POM121C: variants seen among roughly 807,000 people sequenced by gnomAD.
The protein encoded by POM121C is nuclear envelope pore membrane protein POM 121C.
POM121C carries 20 observed loss-of-function variants against 66.4 expected under a neutral mutation model. The ratio of observed to expected loss-of-function variants is 0.30; its 90% CI spans 0.21 to 0.44. The LOEUF (loss-of-function observed/expected upper bound fraction) is 0.44, where lower values mean the gene tolerates loss of function less well. POM121C is among the 20% of genes least tolerant of loss of function. The pLI, the probability that POM121C is intolerant of heterozygous loss-of-function variation, is 1.00. For synonymous variants in POM121C, 286 were observed against 528.0 expected, an observed-to-expected ratio of 0.54 and a Z score of 6.28; for missense variants, 580 against 1,225.7, an observed-to-expected ratio of 0.47 and a Z score of 7.87.
In POM121C at chr7:75,462,178, T is replaced by C. The variant is rs1443893888; in HGVS notation, c.-152+12526A>G. Among the ~76,000 whole-genome samples, 29 of 149,004 alleles carry C rather than the reference T, an allele frequency of 1.9e-4. No individual in the cohort carries two copies. The South Asian group carries it at 3.4e-3, about 17-fold the overall frequency. ...ACTGGATCACGGGCGCGGTTTGCCC[T>C]ATGCTGTTCTCGTGATAGTGAGGGA... On this transcript the variant is annotated intron_variant, in intron 3 of 14. Coordinates refer to ENST00000615331, the MANE Select transcript of POM121C (RefSeq NM_001099415.3).
At position 75,421,646 on chromosome 7, in the gene POM121C, G is replaced by A. The variant is rs1789713229; in HGVS notation, c.2606C>T (p.Ala869Val). ...SATTGAFSFG[A>V]GQSGSTATST... ...GGTGGCTGTGCTCCCACTCTGTCCT[G>A]CTCCAAAGCTGAAAGCTCCGGTGGT... The change falls in exon 13 of 15, where the codon GCA (alanine) becomes GTA (valine). Residue 869 changes from alanine (A) to valine (V), a missense_variant. By Grantham distance (64) the Ala-to-Val change is moderately conservative. Coordinates refer to ENST00000615331, the MANE Select transcript of POM121C (RefSeq NM_001099415.3). The A allele has an allele frequency of 6.2e-7, 1 of 1,613,280 alleles. No individual in the cohort carries two copies. Among genetic ancestry groups the A allele is most frequent in the Admixed American group, 1.7e-5 (1 of 59,988 alleles).
rs1466871455 is a variant in POM121C, at chr7:75,486,010, C to G, written c.-604G>C. 8.4e-6 allele frequency: 4 copies of G among 478,270 alleles called. No homozygotes were observed. The highest frequency in any genetic ancestry group is 6.6e-5 in the East Asian group (1 of 15,186). 29.6% of individuals were successfully genotyped at this position (478,270 alleles called of 1,614,324 possible). The stretch of plus-strand genomic sequence containing the variant: ...TCCCGAGGGGCCCGGGCCGGGCCTA[C>G]GGGGCAAATCCAGGCGGGTGTCCTT... On this transcript the variant is annotated 5_prime_UTR_variant, in exon 1 of 15. Coordinates refer to ENST00000615331, the MANE Select transcript of POM121C (RefSeq NM_001099415.3).
chr7:75,465,120 A>G (rs1554477585), intron 3 of POM121C, among the ~76,000 whole-genome samples: 1 of 150,592 alleles, frequency 6.6e-6, no homozygotes, highest in East Asian at 2.1e-4. Flanking sequence ...TCAGCCTCCC[A>G]AGTAGCTGGG....
chr7:75,482,609 G>A (rs1433841386), intron 1 of POM121C, among the ~76,000 whole-genome samples: 28 of 152,146 alleles, frequency 1.8e-4, no homozygotes, highest in Non-Finnish European at 8.8e-5. Flanking sequence ...AGGATCGTGT[G>A]GGCCCGGGAG....
At chr7:75,443,502 C>G (rs1790737491) in intron 3 of POM121C, among the ~76,000 whole-genome samples, 1 of 151,586 alleles carries the variant, frequency 6.6e-6, no homozygotes, top group African/African-American at 2.4e-5. Flanking sequence ...GACATTCATT[C>G]ATTGATTTAT....
At chr7:75,419,200 G>C in intron 14 of POM121C, 120 bp downstream of exon 14, 1 of 1,436,086 alleles carries the variant, frequency 7.0e-7, no homozygotes, top group South Asian at 1.5e-5. Flanking sequence ...CTCCTAACCC[G>C]AAATGTCTTT....
Position 75,423,875 on chromosome 7 carries a change from C to T in POM121C, c.1048+174G>A, listed in dbSNP as rs140699524. Among the ~76,000 whole-genome samples, 6,917 of 152,320 alleles carry T rather than the reference C, an allele frequency of 0.045. 172 individuals are homozygous for T. Among genetic ancestry groups the T allele is most frequent in the Non-Finnish European group, 0.063 (4,301 of 68,032 alleles). ...GCGTCGCAGCACCCCTTCTCTAACA[C>T]TTCCTGATGTGGGCTCCGGCGCTGT... On this transcript the variant is annotated intron_variant, in intron 12 of 14. Transcript: ENST00000615331.
intron 7 of POM121C, among the ~76,000 whole-genome samples, chr7:75,433,684 T>C (rs1790280165): frequency 1.3e-5 from 2 of 152,260 alleles, no homozygotes; most frequent in South Asian, 4.1e-4. Flanking sequence ...GCCCAAATAA[T>C]AGAGGATACT....
At chr7:75,481,335 G>C (rs1225605529) in intron 1 of POM121C, among the ~76,000 whole-genome samples, 1 of 151,482 alleles carries the variant, frequency 6.6e-6, no homozygotes, top group Non-Finnish European at 1.5e-5. Flanking sequence ...AAGGGATTCC[G>C]TCTGGCCAAA....
Position 75,486,186 on chromosome 7 carries a change from G to C in POM121C, c.-780C>G, listed in dbSNP as rs1792540334. On this transcript the variant is annotated 5_prime_UTR_variant, in exon 1 of 15. Transcript: ENST00000615331. ...ACAGCTCCCGCCCGCCTAGGTGCTG[G>C]TCCGGGCGGTCAGCATCCAGCCCCG... 3.6e-5 allele frequency: 11 copies of C among 303,844 alleles called. No homozygotes were observed. Among genetic ancestry groups the C allele is most frequent in the South Asian group, 1.7e-4 (7 of 40,870 alleles). 18.8% of individuals were successfully genotyped at this position (303,844 alleles called of 1,614,324 possible). A position where few individuals can be genotyped will look rare whatever the true frequency, so the allele number is the denominator to read the frequency against.
chr7:75,464,326 A>G (rs1396819228), intron 3 of POM121C, among the ~76,000 whole-genome samples: 1 of 152,242 alleles, frequency 6.6e-6, no homozygotes, highest in Non-Finnish European at 1.5e-5. Flanking sequence ...GGTGAGGGGC[A>G]GTGGCTCATG....
chr7:75,465,014 G>A (rs76921448), intron 3 of POM121C, among the ~76,000 whole-genome samples: 1 of 146,856 alleles, frequency 6.8e-6, no homozygotes, highest in African/African-American at 2.5e-5. Context: ...TTTTTTTTTG[G>A]ATGGAGTTTC....
intron 7 of POM121C, 151 bp downstream of exon 7, chr7:75,437,364 G>A (rs1299399105): frequency 8.7e-7 from 1 of 1,148,802 alleles, no homozygotes; most frequent in Admixed American, 2.5e-5. Context: ...ATATTGCCCA[G>A]GCTGGTTTTG....
At chr7:75,428,394 T>C (rs1563139935) in intron 7 of POM121C, among the ~76,000 whole-genome samples, 1 of 152,120 alleles carries the variant, frequency 6.6e-6, no homozygotes, top group Non-Finnish European at 1.5e-5. Context: ...CGCCTTGGCC[T>C]CCCAAAGCAC....
chr7:75,442,680 G>T (rs782554194), intron 3 of POM121C: 3 of 1,428,414 alleles, frequency 2.1e-6, no homozygotes, highest in African/African-American at 3.0e-5. Context: ...ATCGGCCGCC[G>T]CCGCTCGCCT....
chr7:75,442,037 A>C lies in POM121C; in HGVS notation c.-151-390T>G, dbSNP rs587768868. 80 of 1,128,236 alleles carry C rather than the reference A, an allele frequency of 7.1e-5. No homozygotes were observed. The South Asian group carries it at 1.4e-3, about 20-fold the overall frequency. The allele number at this position is 1,128,236 out of a possible 1,614,324, so 69.9% of individuals were successfully genotyped here. On this transcript the variant is annotated intron_variant, in intron 3 of 14. Transcript: ENST00000615331. ...GGTGTTAAGGAGGGCAAAACCACAC[A>C]CAATTCCCTTCGGATTTGATGAAAA...
chr7:75,464,934 C>G (rs1373178164), intron 3 of POM121C, among the ~76,000 whole-genome samples: 1 of 143,874 alleles, frequency 7.0e-6, no homozygotes, highest in Admixed American at 7.0e-5. Flanking sequence ...TTCATTAGAG[C>G]AGATGGAAGA....
At chr7:75,444,268 G>C (rs1212890367) in intron 3 of POM121C, among the ~76,000 whole-genome samples, 3 of 94,728 alleles carry the variant, frequency 3.2e-5, no homozygotes, top group African/African-American at 9.9e-5. Context: ...GGGGGGGGGG[G>C]GCGGAGGGGG....
chr7:75,483,422 C>A (rs1367731937), intron 1 of POM121C, among the ~76,000 whole-genome samples: 1 of 152,110 alleles, frequency 6.6e-6, no homozygotes, highest in Non-Finnish European at 1.5e-5. Flanking sequence ...CAATTGTAAT[C>A]CCCAATGTTC....
Sources: gnomAD v4.1 joint callset for allele counts (sites outside exome capture counted in the v4.1 genomes callset) on GRCh38, gnomAD v4.1.1 for gene constraint, MANE v1.5 for transcripts, NCBI Gene and HGNC (gene_info 2026-07-23, HGNC 2026-07-21) for gene names.